The following IL10RA variants were observed in gnomAD, a reference collection of about 807,000 sequenced individuals.
The protein encoded by IL10RA is interleukin 10 receptor subunit alpha.
Under a neutral mutation model 29.6 loss-of-function variants are expected in IL10RA, and 18 were observed. That is an observed-to-expected ratio of 0.61 (90% CI 0.42 to 0.90). The LOEUF is 0.90. Ranked by LOEUF, IL10RA falls within the 40% of genes least tolerant of loss-of-function variation. The pLI is 0.00. For synonymous variants in IL10RA, 292 were observed against 294.1 expected (o/e 0.99, Z 0.07); for missense variants, 634 against 716.6 (o/e 0.88, Z 1.32).
rs1591263322 is a variant in IL10RA at position 117,993,170 on chromosome 11, C to CG, written c.368-69dup. On this transcript the variant is annotated intron_variant, in intron 3 of 6. Coordinates refer to ENST00000227752, the MANE Select transcript of IL10RA (RefSeq NM_001558.4). ...AAGCTTAATTCTGGAGGCAAAGTCT[C>CG]GGCGGGGACACCCAGGCCCTCCTCA... is the stretch of plus-strand genomic sequence containing the variant. 5 of 1,406,976 alleles carry CG rather than the reference C, an allele frequency of 3.6e-6. No individual in the cohort carries two copies. The South Asian group carries it at 5.8e-5, about 16-fold the overall frequency. The allele number at this position is 1,406,976 out of a possible 1,614,324, so 87.2% of individuals were successfully genotyped here.
In IL10RA at chr11:117,999,847, T is replaced by C. The variant is rs1392540368; in HGVS notation, c.*206T>C. ...CAACTCACTGAACTAGTGCAGGGTA[T>C]GTGGGTGGCACTGACCTGTTCTGTT... On this transcript the variant is annotated 3_prime_UTR_variant, in exon 7 of 7. Coordinates refer to ENST00000227752, the MANE Select transcript of IL10RA (RefSeq NM_001558.4). 1.4e-5 allele frequency: 10 copies of C among 694,538 alleles called. No homozygotes were observed. Among genetic ancestry groups the C allele is most frequent in the Non-Finnish European group, 2.6e-5 (10 of 381,874 alleles). 43.0% of individuals were successfully genotyped at this position (694,538 alleles called of 1,614,324 possible). A position where few individuals can be genotyped will look rare whatever the true frequency, so the allele number is the denominator to read the frequency against.
Position 118,000,486 on chromosome 11 carries a change from A to G in IL10RA, c.*845A>G, listed in dbSNP as rs1259599255. On this transcript the variant is annotated 3_prime_UTR_variant, in exon 7 of 7. Transcript: ENST00000227752. The stretch of plus-strand genomic sequence containing the variant: ...GAAGCCATGGTTTTTTGTATTGGTC[A>G]TAACTCAGCCCTTTGGGCGGCCTCT... 2.2e-6 allele frequency: 1 copy of G among 454,264 alleles called. No homozygotes were observed. The highest frequency in any genetic ancestry group is 4.4e-6 in the Non-Finnish European group (1 of 226,792). 28.1% of individuals were successfully genotyped at this position (454,264 alleles called of 1,614,324 possible). A position where few individuals can be genotyped will look rare whatever the true frequency, so the allele number is the denominator to read the frequency against.
Position 117,994,105 on chromosome 11 carries a change from A to C in IL10RA, c.644A>C (p.Lys215Thr). Residue 215 changes from lysine (K) to threonine (T), a missense_variant, in exon 5 of 7, where the codon AAG becomes ACG. By Grantham distance (78) the Lys-to-Thr change is moderately conservative. Coordinates refer to ENST00000227752, the MANE Select transcript of IL10RA (RefSeq NM_001558.4). Reference protein sequence around the residue: ...VKPSVASRSNKGMWSKEECIS... With the variant: ...VKPSVASRSNTGMWSKEECIS... ...CCATCTGTCGCTTCCCGAAGTAACA[A>C]GGGGATGTGGTCTAAAGAGGAGTGC... 6.2e-7 allele frequency: 1 copy of C among 1,614,154 alleles called. No homozygotes were observed. Among genetic ancestry groups the C allele is most frequent in the East Asian group, 2.2e-5 (1 of 44,882 alleles).
intron 3 of IL10RA, among the ~76,000 whole-genome samples, chr11:117,992,657 A>G (rs2058030866): frequency 6.6e-6 from 1 of 152,160 alleles, no homozygotes; most frequent in Admixed American, 6.6e-5. Context: ...TCTTCACTCT[A>G]GTGGTTGTTT....
rs745572629 is a variant in IL10RA, at chr11:117,993,349, G to T, written c.476G>T (p.Ser159Ile). 1.2e-6 allele frequency: 2 copies of T among 1,614,088 alleles called. No individual in the cohort carries two copies. Among genetic ancestry groups the T allele is most frequent in the Non-Finnish European group, 1.7e-6 (2 of 1,179,886 alleles). Reference sequence around the variant, plus strand: ...GCCCCCGCAAATGACACATATGAAAGCATCTTCAGTCACTTCCGAGAGTAT... The same window carrying T: ...GCCCCCGCAAATGACACATATGAAATCATCTTCAGTCACTTCCGAGAGTAT... Reference protein sequence around the residue: ...KMAPANDTYESIFSHFREYEI... With the variant: ...KMAPANDTYEIIFSHFREYEI... Residue 159 changes from serine (S) to isoleucine (I), a missense_variant, in exon 4 of 7, where the codon AGC (serine) becomes ATC (isoleucine). Coordinates refer to ENST00000227752, the MANE Select transcript of IL10RA (RefSeq NM_001558.4).
At position 117,993,992 on chromosome 11, in the gene IL10RA, G is replaced by A; in HGVS notation, c.538-7G>A. ...GATTTTGTTAATTGCTATCATTTTT[G>A]TTTCAGTTCACACACAAGAAAGTAA... is the stretch of plus-strand genomic sequence containing the variant. On this transcript the variant is annotated splice_polypyrimidine_tract_variant and splice_region_variant and intron_variant, in intron 4 of 6. Transcript: ENST00000227752. 1 of 1,613,060 alleles carries A rather than the reference G, an allele frequency of 6.2e-7. No homozygotes were observed. Among genetic ancestry groups the A allele is most frequent in the Non-Finnish European group, 8.5e-7 (1 of 1,179,036 alleles).
Position 117,998,939 on chromosome 11 carries a change from C to T in IL10RA, c.1035C>T (p.Asp345=). 6.2e-7 allele frequency: 1 copy of T among 1,613,526 alleles called. No individual in the cohort carries two copies. Among genetic ancestry groups the T allele is most frequent in the Non-Finnish European group, 8.5e-7 (1 of 1,179,522 alleles). ...FLLPDPHPQA[D]RTLGNREPPV... ...TCCCTGACCCTCACCCCCAGGCTGACAGAACGCTGGGAAACAGGGAGCCCC... is the reference window on the plus strand; with the variant it reads ...TCCCTGACCCTCACCCCCAGGCTGATAGAACGCTGGGAAACAGGGAGCCCC... The change falls in exon 7 of 7, where the codon GAC becomes GAT. Residue 345 remains aspartate, a synonymous_variant. Transcript: ENST00000227752.
At chr11:117,988,532 G>A (rs557961032) in intron 2 of IL10RA, 30 bp downstream of exon 2, 3 of 1,612,092 alleles carry the variant, frequency 1.9e-6, no homozygotes, top group South Asian at 1.1e-5. Context: ...GAGGGGGAGG[G>A]AGGAGTGAAT....
In IL10RA at chr11:118,001,005, G is replaced by T. The variant is rs1299750882; in HGVS notation, c.*1364G>T. On this transcript the variant is annotated 3_prime_UTR_variant, in exon 7 of 7. Transcript: ENST00000227752. ...GACAGGCCTGTGCGTGCCATCCAGA[G>T]TCATCTCAGCCCTGCCTTTCTCTGG... 2.2e-6 allele frequency: 1 copy of T among 454,236 alleles called. No homozygotes were observed. The highest frequency in any genetic ancestry group is 2.3e-5 in the Admixed American group (1 of 42,578). The allele number at this position is 454,236 out of a possible 1,614,324, so 28.1% of individuals were successfully genotyped here. A position where few individuals can be genotyped will look rare whatever the true frequency, so the allele number is the denominator to read the frequency against.
At chr11:117,997,624 TGC>T (rs1346077400) in intron 6 of IL10RA, among the ~76,000 whole-genome samples, 1 of 152,214 alleles carries the variant, frequency 6.6e-6, no homozygotes, top group African/African-American at 2.4e-5. Flanking sequence ...GCCTACTGTG[TGC>T]CAGCTCAGTT....
Position 118,000,424 on chromosome 11 carries a change from A to C in IL10RA, c.*783A>C. On this transcript the variant is annotated 3_prime_UTR_variant, in exon 7 of 7. Transcript: ENST00000227752. ...CTGAGGCCAAGCCACTCACATCCTC[A>C]CTTTGCTGCCCCACCATCTTGCTGA... 2.2e-6 allele frequency: 1 copy of C among 454,128 alleles called. No homozygotes were observed. Among genetic ancestry groups the C allele is most frequent in the South Asian group, 1.6e-5 (1 of 64,474 alleles). The allele number at this position is 454,128 out of a possible 1,614,324, so 28.1% of individuals were successfully genotyped here.
At position 117,989,660 on chromosome 11, in the gene IL10RA, C is replaced by G. The variant is rs768607501; in HGVS notation, c.367+40C>G. 5 of 1,590,720 alleles carry G rather than the reference C, an allele frequency of 3.1e-6. No homozygotes were observed. The highest frequency in any genetic ancestry group is 3.4e-6 in the Non-Finnish European group (4 of 1,162,020). ...TTGACTTAGAACATGGCTCTGAAGT[C>G]CCTTCCAGCCAGGAACTCTAGTCTA... On this transcript the variant is annotated intron_variant, in intron 3 of 6. Transcript: ENST00000227752. The surrounding 1 kb of genome is among the most constrained non-coding windows in gnomAD (Gnocchi z 4.5).
chr11:117,988,926 A>G (rs1337196913), intron 2 of IL10RA, among the ~76,000 whole-genome samples: 2 of 151,964 alleles, frequency 1.3e-5, no homozygotes, highest in East Asian at 3.9e-4. Context: ...ATGCCTGGCT[A>G]ATGTTTGCAT....
In IL10RA at chr11:117,998,864, C is replaced by T; in HGVS notation, c.960C>T (p.Gly320=). 6.2e-7 allele frequency: 1 copy of T among 1,614,224 alleles called. No individual in the cohort carries two copies. Among genetic ancestry groups the T allele is most frequent in the Non-Finnish European group, 8.5e-7 (1 of 1,180,042 alleles). The change falls in exon 7 of 7, where the codon GGC becomes GGT. Residue 320 remains glycine, a synonymous_variant. Transcript: ENST00000227752. ...ACCTGCACGGCAGCACAGACAGTGG[C>T]TTTGGCAGCACCAAGCCATCCCTGC... ...NLDLHGSTDS[G]FGSTKPSLQT...
In IL10RA at chr11:117,995,575, C is replaced by G; in HGVS notation, c.689-14C>G. On this transcript the variant is annotated splice_polypyrimidine_tract_variant and intron_variant, in intron 5 of 6. Coordinates refer to ENST00000227752, the MANE Select transcript of IL10RA (RefSeq NM_001558.4). ...ATGGTGACAGGCCACAAACACATCT[C>G]TCTGGGCCTGCAGATTTCACCGTGA... is the stretch of plus-strand genomic sequence containing the variant. 1 of 1,614,190 alleles carries G rather than the reference C, an allele frequency of 6.2e-7. No individual in the cohort carries two copies. Among genetic ancestry groups the G allele is most frequent in the Non-Finnish European group, 8.5e-7 (1 of 1,180,018 alleles).
rs1035855173 is a variant in IL10RA, at chr11:117,997,727, T to C, written c.811-988T>C. On this transcript the variant is annotated intron_variant, in intron 6 of 6. Transcript: ENST00000227752. ...TTTGGGAATGTGGAGTAAGTGAGTG[T>C]GTGTATGGTGAGAGACGAAAACAAA... Among the ~76,000 whole-genome samples, 7 of 152,264 alleles carry C rather than the reference T, an allele frequency of 4.6e-5. No individual in the cohort carries two copies. In the South Asian group the frequency reaches 1.5e-3, roughly 32 times the overall value.
Position 117,989,312 on chromosome 11 carries a change from G to A in IL10RA, c.189-130G>A. On this transcript the variant is annotated intron_variant, in intron 2 of 6. Transcript: ENST00000227752. The surrounding 1 kb of genome is among the most constrained non-coding windows in gnomAD (Gnocchi z 4.5). ...TCACAATGAGCTGCCGTGGACTAGA[G>A]GATATAGCCTGAGGGCTGTCCCAGT... 1 of 840,630 alleles carries A rather than the reference G, an allele frequency of 1.2e-6. No individual in the cohort carries two copies. Among genetic ancestry groups the A allele is most frequent in the South Asian group, 1.4e-5 (1 of 73,164 alleles). 52.1% of individuals were successfully genotyped at this position (840,630 alleles called of 1,614,324 possible). A position where few individuals can be genotyped will look rare whatever the true frequency, so the allele number is the denominator to read the frequency against.
Position 117,988,428 on chromosome 11 carries a change from T to A in IL10RA, c.114T>A (p.Phe38Leu), listed in dbSNP as rs200175106. 5.0e-6 allele frequency: 8 copies of A among 1,614,188 alleles called. No homozygotes were observed. In the Admixed American group the frequency reaches 1.3e-4, roughly 27 times the overall value. The change falls in exon 2 of 7, where the codon TTT (phenylalanine) becomes TTA (leucine). Residue 38 changes from phenylalanine to leucine, a missense_variant. Physicochemically the swap from Phe to Leu is conservative, Grantham distance 22 (BLOSUM62 0). Transcript: ENST00000227752. Reference protein sequence around the residue: ...SPPSVWFEAEFFHHILHWTPI... With the variant: ...SPPSVWFEAELFHHILHWTPI... ...CGTCTGTGTGGTTTGAAGCAGAATT[T>A]TTCCACCACATCCTCCACTGGACAC...
intron 5 of IL10RA, among the ~76,000 whole-genome samples, chr11:117,994,632 G>A (rs2058044674): frequency 6.6e-6 from 1 of 152,222 alleles, no homozygotes; most frequent in African/African-American, 2.4e-5. Context: ...GGCTGTAGGG[G>A]GAGGGAGATA....
Sources: gnomAD v4.1 joint callset for allele counts (sites outside exome capture counted in the v4.1 genomes callset) on GRCh38, gnomAD v4.1.1 for gene constraint, Gnocchi (gnomAD v3.1) non-coding constraint, MANE v1.5 for transcripts, NCBI Gene and HGNC (gene_info 2026-07-23, HGNC 2026-07-21) for gene names.